The following PCDH15 variants were observed in gnomAD, a reference collection of about 807,000 sequenced individuals.
The protein encoded by PCDH15 is protocadherin-15.
PCDH15 carries 129 observed loss-of-function variants against 178.5 expected under a neutral mutation model. That is an observed-to-expected ratio of 0.72 (90% confidence interval 0.63 to 0.84). The LOEUF is 0.84. PCDH15 is among the 40% of genes least tolerant of loss of function. The pLI, the probability that PCDH15 is intolerant of heterozygous loss-of-function variation, is 0.00. For missense variants in PCDH15, 2,230 were observed against 2,099.9 expected, an observed-to-expected ratio of 1.06 and a Z score of -1.21; for synonymous variants, 800 against 732.0, an observed-to-expected ratio of 1.09 and a Z score of -1.50.
intron 3 of PCDH15, among the ~76,000 whole-genome samples, chr10:54,822,288 T>G (rs1953055624): frequency 6.6e-6 from 1 of 152,116 alleles, no homozygotes; most frequent in Non-Finnish European, 1.5e-5. Context: ...ACCAAAGCTT[T>G]TATAGCTCTC....
chr10:55,248,580 CT>C (rs1410728533), intron 1 of PCDH15, among the ~76,000 whole-genome samples: 2 of 151,714 alleles, frequency 1.3e-5, no homozygotes, highest in Admixed American at 6.6e-5. Flanking sequence ...AAAATGTCCC[CT>C]TTTTTTTGAG....
chr10:53,940,008 T>C (rs1238758958), intron 24 of PCDH15, among the ~76,000 whole-genome samples: 1 of 152,122 alleles, frequency 6.6e-6, no homozygotes, highest in African/African-American at 2.4e-5. Flanking sequence ...TATTGACCAC[T>C]TGCTACACTA....
chr10:55,252,793 A>C lies in PCDH15; in HGVS notation c.-156+66806T>G, dbSNP rs192639896. On this transcript the variant is annotated intron_variant, in intron 1 of 5. Transcript: ENST00000458638. ...ATAAAGGAGACTAATTTAAGCTCAA[A>C]GGAATGAACACACACAAACACACAC... 2.8e-3 allele frequency among the ~76,000 whole-genome samples: 431 copies of C among 152,288 alleles called. 5 individuals are homozygous for C. Among genetic ancestry groups the C allele is most frequent in the African/African-American group, 9.7e-3 (402 of 41,586 alleles).
chr10:55,573,387 A>G (rs1450922706), intron 2 of PCDH15, among the ~76,000 whole-genome samples: 1 of 152,128 alleles, frequency 6.6e-6, no homozygotes, highest in Non-Finnish European at 1.5e-5. Context: ...AAAGTTAGAT[A>G]CCAGGATCTG....
chr10:54,323,262 G>A (rs2061720396), intron 7 of PCDH15, among the ~76,000 whole-genome samples: 1 of 152,120 alleles, frequency 6.6e-6, no homozygotes, highest in South Asian at 2.1e-4. Context: ...TATGCTGTTG[G>A]TGGGTATGTA....
At chr10:53,862,231 A>G (rs1234659759) in intron 27 of PCDH15, among the ~76,000 whole-genome samples, 4 of 151,898 alleles carry the variant, frequency 2.6e-5, no homozygotes, top group African/African-American at 7.3e-5. Context: ...TTGAATTTTT[A>G]ATAGAGACGA....
chr10:53,984,235 C>T (rs1350437080), intron 21 of PCDH15, among the ~76,000 whole-genome samples: 8 of 143,812 alleles, frequency 5.6e-5, no homozygotes, highest in East Asian at 4.3e-4. Context: ...CTGCAAGTTC[C>T]GCCTCCTGGG....
At chr10:53,833,400 C>T (rs547516797) in intron 29 of PCDH15, among the ~76,000 whole-genome samples, 35 of 152,164 alleles carry the variant, frequency 2.3e-4, no homozygotes, top group Admixed American at 1.2e-3. Context: ...CACTTTTGAA[C>T]CCACACCTGA....
chr10:54,607,946 C>G (rs867112676), intron 2 of PCDH15: 2 of 506,690 alleles, frequency 3.9e-6, no homozygotes. Context: ...ATTACTTTTG[C>G]ACCAACCTAA....
intron 32 of PCDH15, chr10:53,823,003 T>G (rs1165592879): frequency 1.2e-6 from 2 of 1,614,074 alleles, no homozygotes; most frequent in South Asian, 2.2e-5. Context: ...ACTGACTGAC[T>G]CCACAGCCTC....
chr10:54,727,992 T>A (rs1369857204), intron 1 of PCDH15, among the ~76,000 whole-genome samples: 1 of 151,516 alleles, frequency 6.6e-6, no homozygotes, highest in African/African-American at 2.4e-5. Flanking sequence ...TACAGCTGAA[T>A]TCTACAAAGT....
intron 1 of PCDH15, among the ~76,000 whole-genome samples, chr10:54,708,467 A>G (rs959316855): frequency 6.6e-6 from 1 of 152,224 alleles, no homozygotes; most frequent in African/African-American, 2.4e-5. Flanking sequence ...CAAAAATTCC[A>G]TCTATGTAGA....
chr10:54,485,986 G>A (rs928804780), intron 3 of PCDH15, among the ~76,000 whole-genome samples: 1 of 152,018 alleles, frequency 6.6e-6, no homozygotes, highest in Non-Finnish European at 1.5e-5. Flanking sequence ...CTTTTCAGTG[G>A]CATCAATTTA....
intron 1 of PCDH15, among the ~76,000 whole-genome samples, chr10:54,720,019 A>G (rs1941317813): frequency 6.6e-6 from 1 of 152,016 alleles, no homozygotes; most frequent in Non-Finnish European, 1.5e-5. Flanking sequence ...AGTCAGAGTG[A>G]TGATTATTAA....
intron 2 of PCDH15, among the ~76,000 whole-genome samples, chr10:54,990,787 G>A (rs1839480254): frequency 6.6e-6 from 1 of 151,916 alleles, no homozygotes; most frequent in African/African-American, 2.4e-5. Context: ...ATTGGTCTCT[G>A]GTCAGGTGAA....
intron 2 of PCDH15, among the ~76,000 whole-genome samples, chr10:55,517,741 A>G (rs1319943765): frequency 1.3e-5 from 2 of 152,154 alleles, no homozygotes; most frequent in Non-Finnish European, 1.5e-5. Flanking sequence ...CAAATTGGTA[A>G]CAATCCATAC....
At chr10:54,454,631 C>T (rs1283265073) in intron 3 of PCDH15, among the ~76,000 whole-genome samples, 1 of 151,824 alleles carries the variant, frequency 6.6e-6, no homozygotes, top group Non-Finnish European at 1.5e-5. Context: ...TATTCCTTGC[C>T]TATAATTACA....
intron 29 of PCDH15, among the ~76,000 whole-genome samples, chr10:53,839,474 A>G (rs749163389): frequency 6.6e-6 from 1 of 152,090 alleles, no homozygotes; most frequent in South Asian, 2.1e-4. Flanking sequence ...ATGCTGTTTA[A>G]AAAGTATAGA....
chr10:54,967,610 C>A (rs1317139409), intron 2 of PCDH15, among the ~76,000 whole-genome samples: 1 of 152,024 alleles, frequency 6.6e-6, no homozygotes, highest in Non-Finnish European at 1.5e-5. Flanking sequence ...TATTTCTTTA[C>A]CTGATGATAG....
Sources: allele counts gnomAD v4.1 joint callset (sites outside exome capture counted in the v4.1 genomes callset), GRCh38; gene constraint gnomAD v4.1.1; transcripts MANE v1.5; gene names NCBI Gene and HGNC (gene_info 2026-07-23, HGNC 2026-07-21).